Variants in PRDM15 observed in about 807,000 individuals in gnomAD.
PRDM15 encodes the protein PR domain zinc finger protein 15.
In PRDM15, 64 loss-of-function variants were observed where a neutral mutation model predicts 128.6. The observed-to-expected ratio is 0.50, with a 90% confidence interval of 0.41 to 0.61. The LOEUF is 0.61. Among genes scored for constraint, PRDM15 ranks in the 20% least tolerant of loss-of-function variants. The probability of loss-of-function intolerance (pLI) is 0.00; values close to 1 mark genes in which losing one functional copy is unlikely to be tolerated. For synonymous variants in PRDM15, 615 were observed against 621.8 expected, an observed-to-expected ratio of 0.99 and a Z score of 0.16; for missense variants, 1,242 against 1,569.1, an observed-to-expected ratio of 0.79 and a Z score of 3.52.
rs2063729782 is a variant in PRDM15, at chr21:41,859,068, T to G, written c.131+524A>C. ...ACCAGGTGGCACAGCCTCCCCCAGG[T>G]GAGGGTGGAACGGCAGGGCAGCTGC... On this transcript the variant is annotated intron_variant, in intron 3 of 23. Transcript: ENST00000398548. The surrounding 1 kb of genome is among the most constrained non-coding windows in gnomAD (Gnocchi z 5.3). 1.9e-6 allele frequency: 3 copies of G among 1,578,626 alleles called. No individual in the cohort carries two copies. The African/African-American group carries it at 4.0e-5, about 21-fold the overall frequency.
At chr21:41,836,776 G>C in intron 8 of PRDM15, 127 bp from the exon 9 acceptor site, 1 of 734,674 alleles carries the variant, frequency 1.4e-6, no homozygotes, top group Admixed American at 2.6e-5. Flanking sequence ...GAGAAAGGAG[G>C]GAATGCGCCC....
Position 41,839,672 on chromosome 21 carries a change from C to T in PRDM15, c.822G>A (p.Val274=). The change falls in exon 7 of 24, where the codon GTG becomes GTA. Residue 274 remains valine (V), a synonymous_variant. Coordinates refer to ENST00000398548, the MANE Select transcript of PRDM15 (RefSeq NM_001040424.3). ...KKPRRGRKPK[V]SKAEQPLVIV... The stretch of plus-strand genomic sequence containing the variant: ...TGACTAGAGGCTGCTCAGCTTTGGA[C>T]ACTTTGGGTTTTCTCCCCCTTCGAG... The T allele has an allele frequency of 1.2e-6, 2 of 1,614,268 alleles. No individual in the cohort carries two copies. The highest frequency in any genetic ancestry group is 1.7e-6 in the Non-Finnish European group (2 of 1,180,050).
chr21:41,836,716 T>G, intron 8 of PRDM15, 67 bp from the exon 9 acceptor site: 1 of 1,397,950 alleles, frequency 7.2e-7, no homozygotes, highest in Non-Finnish European at 9.9e-7. Context: ...ACAAGCAGCA[T>G]GAAAACGGCC....
intron 1 of PRDM15, among the ~76,000 whole-genome samples, chr21:41,870,201 C>T (rs1452009428): frequency 6.6e-6 from 1 of 152,052 alleles, no homozygotes; most frequent in Non-Finnish European, 1.5e-5. Context: ...TTTATTAATC[C>T]AGTACACCCA....
At chr21:41,827,782 C>T (rs766350631) in intron 12 of PRDM15, among the ~76,000 whole-genome samples, 3 of 152,120 alleles carry the variant, frequency 2.0e-5, no homozygotes, top group Non-Finnish European at 4.4e-5. Flanking sequence ...TGCTCTTATA[C>T]TGGTTTTTCC....
rs1243160698 is a variant in PRDM15, at chr21:41,854,701, G to A, written c.403C>T (p.Gln135Ter). The part of the protein sequence containing the change: ...EAEHQNLTAY[Q>*]HGSDVYFTTS... ...GTGAAGTACACGTCGCTGCCGTGCTGGTAGGCCGTCAGGTTCTGGTGCTCG... is the reference window on the plus strand; with the variant it reads ...GTGAAGTACACGTCGCTGCCGTGCTAGTAGGCCGTCAGGTTCTGGTGCTCG... Residue 135 changes from glutamine (Q) to a stop codon, truncating the protein, a stop_gained, in exon 5 of 24, where the codon CAG becomes TAG. Coordinates refer to ENST00000398548, the MANE Select transcript of PRDM15 (RefSeq NM_001040424.3). LOFTEE classifies it high-confidence loss of function. This position sits in a 1 kb window ranked among gnomAD's most constrained non-coding sequence, Gnocchi z 4.6. The A allele has an allele frequency of 2.5e-6, 4 of 1,613,426 alleles. No homozygotes were observed.
intron 16 of PRDM15, among the ~76,000 whole-genome samples, chr21:41,820,740 C>T (rs895574973): frequency 6.6e-6 from 1 of 152,234 alleles, no homozygotes; most frequent in African/African-American, 2.4e-5. Context: ...GCCTGTATGT[C>T]AGATGTGGCC....
At chr21:41,815,435 C>T (rs1046157034) in intron 19 of PRDM15, among the ~76,000 whole-genome samples, 2 of 152,194 alleles carry the variant, frequency 1.3e-5, no homozygotes, top group African/African-American at 4.8e-5. Context: ...AACAGCTGAA[C>T]GGGAGGAACA....
intron 1 of PRDM15, among the ~76,000 whole-genome samples, chr21:41,871,083 G>A (rs2064191261): frequency 6.6e-6 from 1 of 152,170 alleles, no homozygotes; most frequent in Non-Finnish European, 1.5e-5. Flanking sequence ...CAGACATGTA[G>A]ATAAAACACA....
At chr21:41,852,683 G>A (rs914449419) in intron 5 of PRDM15, among the ~76,000 whole-genome samples, 5 of 152,334 alleles carry the variant, frequency 3.3e-5, no homozygotes, top group South Asian at 2.1e-4. Flanking sequence ...CGAAGAGGAC[G>A]CCGCCACCGC....
intron 3 of PRDM15, among the ~76,000 whole-genome samples, chr21:41,858,161 G>A (rs73361555): frequency 0.05 from 7,646 of 152,314 alleles, 634 homozygotes; most frequent in African/African-American, 0.17. Flanking sequence ...GCCAAGTGGA[G>A]CGGGCCAGTT....
chr21:41,836,791 G>A (rs1426264387), intron 8 of PRDM15, 142 bp from the exon 9 acceptor site: 12 of 625,820 alleles, frequency 1.9e-5, no homozygotes, highest in African/African-American at 9.2e-5. Context: ...GCGCCCGGGC[G>A]TCACTCCCAG....
chr21:41,831,837 A>G (rs1023293314), intron 11 of PRDM15, among the ~76,000 whole-genome samples: 2 of 151,886 alleles, frequency 1.3e-5, no homozygotes, highest in African/African-American at 4.8e-5. Flanking sequence ...CCCACATCCC[A>G]CCCCACCTGC....
Position 41,861,820 on chromosome 21 carries a change from GGAAA to G in PRDM15, c.-9-1452_-9-1449del, listed in dbSNP as rs1273520544. On this transcript the variant is annotated intron_variant, in intron 1 of 23. Transcript: ENST00000398548. Reference sequence around the variant, plus strand: ...GTTAGCTACAAGGAAGTGAGGCAGAGGAAAGAGAGTTCCAATTTGCCCTTAAAAT... The same window carrying G: ...GTTAGCTACAAGGAAGTGAGGCAGAGGAGAGTTCCAATTTGCCCTTAAAAT... 1.1e-5 allele frequency: 17 copies of G among 1,587,390 alleles called. No individual in the cohort carries two copies. The East Asian group carries it at 3.6e-4, about 34-fold the overall frequency.
Position 41,804,449 on chromosome 21 carries a change from C to A in PRDM15, c.2733+85G>T. 3 of 1,083,684 alleles carry A rather than the reference C, an allele frequency of 2.8e-6. No homozygotes were observed. In the East Asian group the frequency reaches 7.8e-5, roughly 28 times the overall value. 67.1% of individuals were successfully genotyped at this position (1,083,684 alleles called of 1,614,324 possible). A position where few individuals can be genotyped will look rare whatever the true frequency, so the allele number is the denominator to read the frequency against. ...AGGCTTGCCCAGAGCTGCTCCCTCCCGGCCTGTCCAAGCCCCTCTGGTCCC... is the reference window on the plus strand; with the variant it reads ...AGGCTTGCCCAGAGCTGCTCCCTCCAGGCCTGTCCAAGCCCCTCTGGTCCC... On this transcript the variant is annotated intron_variant, in intron 22 of 23. Coordinates refer to ENST00000398548, the MANE Select transcript of PRDM15 (RefSeq NM_001040424.3).
At chr21:41,805,771 CCATCAACACCAA>C in intron 21 of PRDM15, among the ~76,000 whole-genome samples, 1 of 150,336 alleles carries the variant, frequency 6.7e-6, no homozygotes, top group African/African-American at 2.5e-5. Flanking sequence ...AGTATCATCA[CCATCAACACCAA>C]CACCACCACC....
Position 41,854,962 on chromosome 21 carries a change from G to A in PRDM15, c.286-144C>T. ...AAGGGCTCCTGTACGGGATGTTGAG[G>A]TGTTTACAATAGTGAGGAGGGTCAC... On this transcript the variant is annotated intron_variant, in intron 4 of 23. Transcript: ENST00000398548. The surrounding 1 kb of genome is among the most constrained non-coding windows in gnomAD (Gnocchi z 4.6). 1.1e-6 allele frequency: 1 copy of A among 948,334 alleles called. No individual in the cohort carries two copies. Among genetic ancestry groups the A allele is most frequent in the Non-Finnish European group, 1.5e-6 (1 of 652,412 alleles). The allele number at this position is 948,334 out of a possible 1,614,324, so 58.7% of individuals were successfully genotyped here.
At chr21:41,861,009 C>T (rs117817360) in intron 1 of PRDM15, among the ~76,000 whole-genome samples, 2,014 of 152,158 alleles carry the variant, frequency 0.013, 33 homozygotes, top group East Asian at 0.059. Flanking sequence ...CTTGCTCTGT[C>T]GCCCAGGCTG....
At position 41,815,851 on chromosome 21, in the gene PRDM15, C is replaced by G. The variant is rs141772267; in HGVS notation, c.2261-15G>C. On this transcript the variant is annotated splice_polypyrimidine_tract_variant and intron_variant, in intron 18 of 23. Coordinates refer to ENST00000398548, the MANE Select transcript of PRDM15 (RefSeq NM_001040424.3). Reference sequence around the variant, plus strand: ...GGTCTTCATGCCTTCAAGGACACAGCGAGTCAGAGGCGGCCACACCCCCAC... The same window carrying G: ...GGTCTTCATGCCTTCAAGGACACAGGGAGTCAGAGGCGGCCACACCCCCAC... The G allele has an allele frequency of 1.2e-6, 2 of 1,611,648 alleles. No homozygotes were observed. Among genetic ancestry groups the G allele is most frequent in the East Asian group, 2.2e-5 (1 of 44,846 alleles).
Sources: gnomAD v4.1 joint callset for allele counts (sites outside exome capture counted in the v4.1 genomes callset) on GRCh38, gnomAD v4.1.1 for gene constraint, Gnocchi (gnomAD v3.1) non-coding constraint, MANE v1.5 for transcripts, NCBI Gene and HGNC (gene_info 2026-07-23, HGNC 2026-07-21) for gene names.